Variants in DNAH7 observed in about 807,000 individuals in gnomAD.
The protein encoded by DNAH7 is dynein axonemal heavy chain 7, also known as axonemal beta dynein heavy chain 7.
DNAH7 carries 397 observed loss-of-function variants against 444.6 expected under a neutral mutation model. The observed-to-expected ratio is 0.89, with a 90% CI of 0.82 to 0.97. The LOEUF (loss-of-function observed/expected upper bound fraction) is 0.97. Ranked by LOEUF, DNAH7 falls within the 50% of genes least tolerant of loss-of-function variation. The pLI, the probability that DNAH7 is intolerant of heterozygous loss-of-function variation, is 0.00. For synonymous variants in DNAH7, 1,636 were observed against 1,624.4 expected (o/e 1.01, Z -0.17); for missense variants, 4,902 against 4,800.8 (o/e 1.02, Z -0.62).
intron 61 of DNAH7, among the ~76,000 whole-genome samples, chr2:195,764,864 T>C (rs1694502071): frequency 6.8e-6 from 1 of 147,396 alleles, no homozygotes; most frequent in Non-Finnish European, 1.5e-5. Flanking sequence ...TGACATTCTT[T>C]ATAGAAATAG....
Position 195,936,728 on chromosome 2 carries a change from T to C in DNAH7, c.3143A>G (p.Glu1048Gly). 1.9e-6 allele frequency: 3 copies of C among 1,600,966 alleles called. No individual in the cohort carries two copies. The highest frequency in any genetic ancestry group is 2.6e-6 in the Non-Finnish European group (3 of 1,174,878). ...RMLERLKKSN[E>G]LLELILKGLN... The stretch of plus-strand genomic sequence containing the variant: ...TCCTTTAAGAATGAGCTCCAAAAGT[T>C]CATTAGATTTTTTCAGCCTTTCCAG... Residue 1048 changes from glutamate to glycine, a missense_variant, in exon 20 of 65, where the codon GAA (glutamate) becomes GGA (glycine). Transcript: ENST00000312428.
chr2:195,805,816 A>G (rs915439407), intron 54 of DNAH7, among the ~76,000 whole-genome samples: 3 of 152,340 alleles, frequency 2.0e-5, no homozygotes, highest in African/African-American at 7.2e-5. Flanking sequence ...AGACTGCCAC[A>G]TCATGCAAGA....
chr2:195,908,036 C>A (rs1687140305), intron 25 of DNAH7, among the ~76,000 whole-genome samples: 1 of 151,688 alleles, frequency 6.6e-6, no homozygotes, highest in South Asian at 2.1e-4. Context: ...CACAAAGAAG[C>A]TATTTACAAA....
rs776099927 is a variant in DNAH7, at chr2:195,984,670, T to C, written c.1795A>G (p.Ser599Gly). 6.2e-7 allele frequency: 1 copy of C among 1,614,032 alleles called. No individual in the cohort carries two copies. The highest frequency in any genetic ancestry group is 1.7e-5 in the Admixed American group (1 of 60,026). The change falls in exon 15 of 65, where the codon AGC (serine) becomes GGC (glycine). Residue 599 changes from serine to glycine, a missense_variant. By Grantham distance (56) the Ser-to-Gly change is moderately conservative. Transcript: ENST00000312428. ...EFERIAEKAL[S>G]TPPNTAELME... is the part of the protein sequence containing the mutation. ...AGTTCTGCTGTATTTGGAGGAGTGC[T>C]AAGAGCTTTTTCAGCTATCCTCTCA... is the stretch of plus-strand genomic sequence containing the variant.
intron 61 of DNAH7, among the ~76,000 whole-genome samples, chr2:195,770,935 G>C (rs886316968): frequency 1.1e-4 from 16 of 150,622 alleles, no homozygotes; most frequent in South Asian, 2.1e-4. Flanking sequence ...AACTCAAGCA[G>C]TCCTCCCACC....
chr2:196,067,546 T>C (rs1260740083), intron 1 of DNAH7, among the ~76,000 whole-genome samples: 1 of 152,216 alleles, frequency 6.6e-6, no homozygotes, highest in East Asian at 1.9e-4. Flanking sequence ...TGTCCATTTC[T>C]TAGTTCTTAA....
At chr2:195,971,902 T>C (rs1003902821) in intron 16 of DNAH7, among the ~76,000 whole-genome samples, 3 of 152,128 alleles carry the variant, frequency 2.0e-5, no homozygotes, top group Non-Finnish European at 4.4e-5. Context: ...CAAACAAGTT[T>C]TAAAAACCGA....
rs200838167 is a variant in DNAH7, at chr2:195,864,936, T to C, written c.6719A>G (p.Tyr2240Cys). 8.7e-6 allele frequency: 14 copies of C among 1,611,474 alleles called. No individual in the cohort carries two copies. In the East Asian group the frequency reaches 1.8e-4, roughly 21 times the overall value. ...AAGCTCATGAAAATCTTCATACATG[T>C]AGTTTCTCAAAATTTCTTGAATGTA... The part of the protein sequence containing the change: ...INYIQEILRN[Y>C]MYEDFHELFQ... The change falls in exon 41 of 65, where the codon TAC (tyrosine) becomes TGC (cysteine). Residue 2240 changes from tyrosine to cysteine, a missense_variant. Tyr to Cys is a radical substitution (Grantham distance 194, BLOSUM62 -2). Coordinates refer to ENST00000312428, the MANE Select transcript of DNAH7 (RefSeq NM_018897.3).
At chr2:195,885,443 G>T (rs1026616062) in intron 34 of DNAH7, among the ~76,000 whole-genome samples, 1 of 152,144 alleles carries the variant, frequency 6.6e-6, no homozygotes, top group African/African-American at 2.4e-5. Context: ...GCTCATAAAA[G>T]TTCTGGACTC....
chr2:195,884,839 C>T (rs1282641387), intron 34 of DNAH7, 30 bp from the exon 35 acceptor site: 2 of 1,552,260 alleles, frequency 1.3e-6, no homozygotes, highest in South Asian at 1.1e-5. Context: ...AGATTAAGAA[C>T]AATTAAAGAA....
In DNAH7 at chr2:195,834,270, C is replaced by A. The variant is rs746886724; in HGVS notation, c.9036G>T (p.Val3012=). The A allele has an allele frequency of 6.2e-7, 1 of 1,608,784 alleles. No individual in the cohort carries two copies. The highest frequency in any genetic ancestry group is 1.1e-5 in the South Asian group (1 of 90,712). ...CATAGTCAGGTTCACTAAGTTTAATCACATAAAGACTATTGGCTTTTTCCA... is the reference window on the plus strand; with the variant it reads ...CATAGTCAGGTTCACTAAGTTTAATAACATAAAGACTATTGGCTTTTTCCA... ...KNMEKANSLY[V]IKLSEPDYVR... is the part of the protein sequence containing the mutation. The change falls in exon 48 of 65, where the codon GTG becomes GTT. Residue 3012 remains valine, a synonymous_variant. Coordinates refer to ENST00000312428, the MANE Select transcript of DNAH7 (RefSeq NM_018897.3).
intron 19 of DNAH7, among the ~76,000 whole-genome samples, chr2:195,950,712 C>T (rs776566114): frequency 1.5e-4 from 22 of 151,614 alleles, no homozygotes; most frequent in Non-Finnish European, 2.8e-4. Flanking sequence ...ATTAGCCAGG[C>T]GTGGTGGCGG....
chr2:195,974,382 T>A (rs1044976488), intron 15 of DNAH7, among the ~76,000 whole-genome samples: 1 of 152,238 alleles, frequency 6.6e-6, no homozygotes, highest in Non-Finnish European at 1.5e-5. Flanking sequence ...ATTTCTATAC[T>A]GAATAAATTC....
Position 195,799,348 on chromosome 2 carries a change from A to G in DNAH7, c.10301T>C (p.Leu3434Pro). The G allele has an allele frequency of 3.1e-6, 5 of 1,611,964 alleles. No homozygotes were observed. Among genetic ancestry groups the G allele is most frequent in the Non-Finnish European group, 4.2e-6 (5 of 1,179,042 alleles). Residue 3434 changes from leucine (L) to proline (P), a missense_variant, in exon 55 of 65, where the codon CTC (leucine) becomes CCC (proline). By Grantham distance (98) the Leu-to-Pro change is moderately conservative. Coordinates refer to ENST00000312428, the MANE Select transcript of DNAH7 (RefSeq NM_018897.3). ...SNCCAPLIFV[L>P]SPGADPMAAL... ...AGCCATGGGATCTGCTCCAGGAGAG[A>G]GCACGAAAATCAGTGGTGCACAGCA... is the stretch of plus-strand genomic sequence containing the variant.
At chr2:195,827,745 AT>A (rs199610066) in intron 48 of DNAH7, among the ~76,000 whole-genome samples, 3,595 of 145,328 alleles carry the variant, frequency 0.025, 54 homozygotes, top group South Asian at 0.035. Context: ...GGCTCAGCTA[AT>A]TTTTTTTTTT....
chr2:196,007,693 T>A lies in DNAH7; in HGVS notation c.989+5094A>T, dbSNP rs568275369. On this transcript the variant is annotated intron_variant, in intron 10 of 64. Coordinates refer to ENST00000312428, the MANE Select transcript of DNAH7 (RefSeq NM_018897.3). ...ATAAGTCTCACGAGATTTGTTGGTT[T>A]TATAAATGTGAGTTCCCCTACACAT... 5.4e-3 allele frequency among the ~76,000 whole-genome samples: 824 copies of A among 152,256 alleles called. 10 individuals carry two copies. The highest frequency in any genetic ancestry group is 0.018 in the African/African-American group (761 of 41,538).
chr2:195,988,365 T>G, intron 12 of DNAH7, 136 bp from the exon 13 acceptor site: 1 of 782,208 alleles, frequency 1.3e-6, no homozygotes, highest in South Asian at 2.8e-5. Context: ...TAACCTCTAA[T>G]CTATAGAAAG....
intron 7 of DNAH7, among the ~76,000 whole-genome samples, chr2:196,026,111 C>T (rs2125776968): frequency 6.6e-6 from 1 of 152,216 alleles, no homozygotes; most frequent in East Asian, 1.9e-4. Context: ...ACTTTGTGGG[C>T]CACAAGGACT....
intron 10 of DNAH7, among the ~76,000 whole-genome samples, chr2:196,010,969 T>C (rs1030756358): frequency 1.3e-5 from 2 of 152,116 alleles, no homozygotes; most frequent in Non-Finnish European, 2.9e-5. Flanking sequence ...TCATGGAGGT[T>C]GTAAGTAGAA....
Sources: gnomAD v4.1 joint callset for allele counts (sites outside exome capture counted in the v4.1 genomes callset) on GRCh38, gnomAD v4.1.1 for gene constraint, MANE v1.5 for transcripts, NCBI Gene and HGNC (gene_info 2026-07-23, HGNC 2026-07-21) for gene names.